The following RBFOX3 variants were observed in gnomAD, a reference collection of about 807,000 sequenced individuals.
The protein encoded by RBFOX3 is RNA binding fox-1 homolog 3.
In RBFOX3, 17 loss-of-function variants were observed where a neutral mutation model predicts 48.7. The ratio of observed to expected loss-of-function variants is 0.35; its 90% CI spans 0.24 to 0.52. The LOEUF (loss-of-function observed/expected upper bound fraction) is 0.52. RBFOX3 is among the 20% of genes least tolerant of loss of function. The pLI is 0.94. For synonymous variants in RBFOX3, 212 were observed against 209.5 expected (o/e 1.01, Z -0.10); for missense variants, 382 against 497.5 (o/e 0.77, Z 2.21).
At chr17:79,517,234 T>G (rs1200711593) in intron 1 of RBFOX3, among the ~76,000 whole-genome samples, 4 of 151,830 alleles carry the variant, frequency 2.6e-5, no homozygotes. Flanking sequence ...TTACTTAAGG[T>G]CAGGAGTTTA....
At chr17:79,645,937 A>G in the RBFOX3 span, among the ~76,000 whole-genome samples, 7 of 152,218 alleles carry the variant, frequency 4.6e-5, no homozygotes, top group Non-Finnish European at 1.0e-4. Flanking sequence ...TCCTTGATTT[A>G]GATGGATGCT....
At chr17:79,148,479 G>A (rs990560342) in intron 4 of RBFOX3, among the ~76,000 whole-genome samples, 8 of 152,166 alleles carry the variant, frequency 5.3e-5, no homozygotes, top group African/African-American at 1.9e-4. Context: ...AGCCACAGGA[G>A]GAGGGAGAAG....
In RBFOX3 at chr17:79,350,787, G is replaced by C. The variant is rs76190538; in HGVS notation, c.-174-42963C>G. Among the ~76,000 whole-genome samples the C allele has an allele frequency of 9.7e-3, 1,471 of 152,350 alleles. 24 individuals carry two copies. The highest frequency in any genetic ancestry group is 0.034 in the African/African-American group (1,422 of 41,578). On this transcript the variant is annotated intron_variant, in intron 2 of 14. Transcript: ENST00000693108. ...GGGCTCAGGCAGGGCGGCCTGCAGGGTGGCGTGAGCTGGCATGAATTGCGG... is the reference window on the plus strand; with the variant it reads ...GGGCTCAGGCAGGGCGGCCTGCAGGCTGGCGTGAGCTGGCATGAATTGCGG...
intron 1 of RBFOX3, among the ~76,000 whole-genome samples, chr17:79,574,157 G>T (rs954798776): frequency 6.6e-6 from 1 of 152,178 alleles, no homozygotes; most frequent in Non-Finnish European, 1.5e-5. Context: ...TCAACCCTTA[G>T]GATTAAGGGT....
chr17:79,603,280 C>G (rs1203344610), intron 1 of RBFOX3, among the ~76,000 whole-genome samples: 3 of 152,148 alleles, frequency 2.0e-5, no homozygotes, highest in African/African-American at 7.2e-5. Flanking sequence ...CGTGAGACAC[C>G]CTGCCCTGGC....
chr17:79,124,138 G>A (rs1342829162), intron 4 of RBFOX3, among the ~76,000 whole-genome samples: 4 of 152,250 alleles, frequency 2.6e-5, no homozygotes, highest in African/African-American at 9.6e-5. Context: ...TCCAGGTCTA[G>A]TGACCACACT....
chr17:79,090,715 C>G lies in RBFOX3; in HGVS notation c.*168G>C. The G allele has an allele frequency of 1.2e-6, 1 of 838,850 alleles. No homozygotes were observed. The allele number at this position is 838,850 out of a possible 1,614,324, so 52.0% of individuals were successfully genotyped here. ...TGCCGGCGTGCTCCCTCGGTGCGGG[C>G]GTGTGGCCAGGACGCGGGACTTGGA... is the stretch of plus-strand genomic sequence containing the variant. On this transcript the variant is annotated 3_prime_UTR_variant, in exon 15 of 15. Transcript: ENST00000693108.
chr17:79,350,022 TC>T (rs1314922549), intron 2 of RBFOX3, among the ~76,000 whole-genome samples: 4 of 152,066 alleles, frequency 2.6e-5, no homozygotes, highest in Non-Finnish European at 4.4e-5. Context: ...CGTCCTTAGG[TC>T]ATTCAGATCT....
Position 79,363,499 on chromosome 17 carries a change from G to A in RBFOX3, c.-174-55675C>T, listed in dbSNP as rs1441893807. On this transcript the variant is annotated intron_variant, in intron 2 of 14. Transcript: ENST00000693108. The surrounding 1 kb of genome is among the most constrained non-coding windows in gnomAD (Gnocchi z 4.7). Reference sequence around the variant, plus strand: ...TCGGCTTTTTCAAGAAGCCTCAGAAGTATCTCAGAAGTATCTCAGATCTTC... The same window carrying A: ...TCGGCTTTTTCAAGAAGCCTCAGAAATATCTCAGAAGTATCTCAGATCTTC... 1.3e-5 allele frequency among the ~76,000 whole-genome samples: 2 copies of A among 152,076 alleles called. No homozygotes were observed. Among genetic ancestry groups the A allele is most frequent in the Non-Finnish European group, 2.9e-5 (2 of 67,994 alleles).
intron 1 of RBFOX3, among the ~76,000 whole-genome samples, chr17:79,540,501 A>C (rs2089525167): frequency 6.6e-6 from 1 of 152,176 alleles, no homozygotes; most frequent in South Asian, 2.1e-4. Context: ...GCTGCCCCAC[A>C]TCTGTGCCAA....
At chr17:79,626,614 G>C in the RBFOX3 span, among the ~76,000 whole-genome samples, 1 of 152,204 alleles carries the variant, frequency 6.6e-6, no homozygotes, top group African/African-American at 2.4e-5. Flanking sequence ...CACGCCTCCC[G>C]GGCTGGGTGT....
rs1341921034 is a variant in RBFOX3 at position 79,148,291 on chromosome 17, C to T, written c.-33-32543G>A. On this transcript the variant is annotated intron_variant, in intron 4 of 14. Transcript: ENST00000693108. ...TCCCAAGGTCCCTTCCCAAGCCTCT[C>T]GGCTGCCTCCTGCAGGCCTCACTCA... 6.6e-5 allele frequency among the ~76,000 whole-genome samples: 10 copies of T among 152,360 alleles called. No individual in the cohort carries two copies. In the South Asian group the frequency reaches 8.3e-4, roughly 13 times the overall value.
rs946057270 is a variant in RBFOX3 at position 79,485,161 on chromosome 17, G to A, written c.-319-2563C>T. 8.0e-3 allele frequency among the ~76,000 whole-genome samples: 1,217 copies of A among 152,230 alleles called. 45 individuals are homozygous for A. The highest frequency in any genetic ancestry group is 0.066 in the East Asian group (340 of 5,146). On this transcript the variant is annotated intron_variant, in intron 1 of 14. Transcript: ENST00000693108. ...CCTGGGGAGAGGCGGGCTGTCTGCCGGGGCTCTCACCCTTCCTGACTTGTC... is the reference window on the plus strand; with the variant it reads ...CCTGGGGAGAGGCGGGCTGTCTGCCAGGGCTCTCACCCTTCCTGACTTGTC...
the RBFOX3 span, among the ~76,000 whole-genome samples, chr17:79,631,448 C>T: frequency 2.0e-5 from 3 of 152,120 alleles, no homozygotes; most frequent in African/African-American, 4.8e-5. Context: ...CAGTGTCAGA[C>T]ACCAGCTTGT....
chr17:79,272,091 G>A (rs4274472), intron 3 of RBFOX3, among the ~76,000 whole-genome samples: 23,626 of 152,254 alleles, frequency 0.16, 2,124 homozygotes, highest in East Asian at 0.21. Flanking sequence ...TGTGGAGTCA[G>A]GAAAGGGCGA....
chr17:79,457,324 A>G (rs4506933), intron 2 of RBFOX3, among the ~76,000 whole-genome samples: 84,079 of 152,108 alleles, frequency 0.55, 23,516 homozygotes, highest in Middle Eastern at 0.61. Context: ...AGCTCTCACC[A>G]TGTGGTGTGT....
intron 2 of RBFOX3, among the ~76,000 whole-genome samples, chr17:79,401,548 A>AGGGAGAGGGGAGGGAAT (rs1454714289): frequency 6.6e-6 from 1 of 152,186 alleles, no homozygotes; most frequent in African/African-American, 2.4e-5. Flanking sequence ...TTCAGTGCAG[A>AGGGAGAGGGGAGGGAAT]GGGAGAGGGG....
intron 4 of RBFOX3, among the ~76,000 whole-genome samples, chr17:79,118,998 G>GAA (rs1568165907): frequency 5.7e-5 from 8 of 141,054 alleles, no homozygotes; most frequent in Non-Finnish European, 1.1e-4. Context: ...AAAAAATAAA[G>GAA]AAAATAAAAT....
intron 1 of RBFOX3, among the ~76,000 whole-genome samples, chr17:79,555,639 A>G (rs2091659563): frequency 1.4e-5 from 2 of 146,298 alleles, no homozygotes; most frequent in African/African-American, 2.6e-5. Flanking sequence ...TGATTATGTC[A>G]GTGATGGTGG....
Sources: gnomAD v4.1 joint callset for allele counts (sites outside exome capture counted in the v4.1 genomes callset) on GRCh38, gnomAD v4.1.1 for gene constraint, Gnocchi (gnomAD v3.1) non-coding constraint, MANE v1.5 for transcripts, NCBI Gene and HGNC (gene_info 2026-07-23, HGNC 2026-07-21) for gene names.